Variants in NCBP1 observed in about 807,000 individuals in gnomAD.
The protein encoded by NCBP1 is nuclear cap-binding protein subunit 1.
In NCBP1, 16 loss-of-function variants were observed where a neutral mutation model predicts 111.7. The observed-to-expected ratio is 0.14, with a 90% CI of 0.10 to 0.22. The LOEUF (loss-of-function observed/expected upper bound fraction) is 0.22, where lower values mean the gene tolerates loss of function less well. Ranked by LOEUF, NCBP1 falls within the 10% of genes least tolerant of loss-of-function variation. The pLI is 1.00. For synonymous variants in NCBP1, 304 were observed against 314.3 expected (o/e 0.97, Z 0.35); for missense variants, 607 against 957.5 (o/e 0.63, Z 4.83).
chr9:97,650,561 A>G lies in NCBP1; in HGVS notation c.956A>G (p.His319Arg), dbSNP rs747943842. The change falls in exon 9 of 23, where the codon CAC becomes CGC. Residue 319 changes from histidine (H) to arginine (R), a missense_variant. His to Arg is a conservative substitution (Grantham distance 29). Coordinates refer to ENST00000375147, the MANE Select transcript of NCBP1 (RefSeq NM_002486.5). ...VERFVIEENL[H>R]CIIKSHWKER... ...AGATTTGTAATAGAAGAGAATCTTC[A>G]CTGCATCATTAAGTCCCACTGGAAG... The G allele has an allele frequency of 3.1e-6, 5 of 1,613,486 alleles. No homozygotes were observed. Among genetic ancestry groups the G allele is most frequent in the Middle Eastern group, 1.7e-4 (1 of 6,058 alleles).
intron 18 of NCBP1, among the ~76,000 whole-genome samples, 184 bp downstream of exon 18, chr9:97,663,231 CATT>C (rs1827891037): frequency 6.6e-6 from 1 of 152,090 alleles, no homozygotes; most frequent in South Asian, 2.1e-4. Context: ...AAAGAGTAAG[CATT>C]ATTATGATTT....
At chr9:97,647,390 A>G (rs1827372480) in intron 6 of NCBP1, 102 bp from the exon 7 acceptor site, 1 of 869,878 alleles carries the variant, frequency 1.1e-6, no homozygotes, top group African/African-American at 1.7e-5. Context: ...AGTAGGTAAA[A>G]TGTTATTTCA....
intron 14 of NCBP1, among the ~76,000 whole-genome samples, chr9:97,656,512 C>T (rs1302875886): frequency 6.6e-6 from 1 of 152,142 alleles, no homozygotes; most frequent in African/African-American, 2.4e-5. Context: ...GATGGCGCCA[C>T]TGCACTCCAA....
Sources: gnomAD v4.1 joint callset for allele counts (sites outside exome capture counted in the v4.1 genomes callset) on GRCh38, gnomAD v4.1.1 for gene constraint, MANE v1.5 for transcripts, NCBI Gene and HGNC (gene_info 2026-07-23, HGNC 2026-07-21) for gene names.